DOCK9: variants seen among roughly 807,000 people sequenced by gnomAD.
The protein encoded by DOCK9 is dedicator of cytokinesis protein 9.
A neutral mutation model predicts 263.3 loss-of-function variants in DOCK9; 89 were observed. The ratio of observed to expected loss-of-function variants is 0.34; its 90% confidence interval spans 0.28 to 0.40. The LOEUF is 0.40. DOCK9 is among the 10% of genes least tolerant of loss of function. The pLI, the probability that DOCK9 is intolerant of heterozygous loss-of-function variation, is 1.00. For missense variants in DOCK9, 2,140 were observed against 2,603.4 expected, an observed-to-expected ratio of 0.82 and a Z score of 3.87; for synonymous variants, 976 against 973.1, an observed-to-expected ratio of 1.00 and a Z score of -0.06.
Position 98,886,397 on chromosome 13 carries a change from C to G in DOCK9, c.2136+135G>C, listed in dbSNP as rs958055866. The G allele has an allele frequency of 3.9e-5, 22 of 562,452 alleles. No homozygotes were observed. The Admixed American group carries it at 6.4e-4, about 16-fold the overall frequency. The allele number at this position is 562,452 out of a possible 1,614,324, so 34.8% of individuals were successfully genotyped here. A position where few individuals can be genotyped will look rare whatever the true frequency, so the allele number is the denominator to read the frequency against. Reference sequence around the variant, plus strand: ...ACAATCAGAATATATAAAAGAAATACTTCAACATGCAGTTCTAGCTCTGTA... The same window carrying G: ...ACAATCAGAATATATAAAAGAAATAGTTCAACATGCAGTTCTAGCTCTGTA... On this transcript the variant is annotated intron_variant, in intron 19 of 52. Transcript: ENST00000682017.
chr13:98,836,638 G>A (rs1017582819), intron 39 of DOCK9, among the ~76,000 whole-genome samples: 1 of 152,140 alleles, frequency 6.6e-6, no homozygotes, highest in Non-Finnish European at 1.5e-5. Context: ...TCTCTCAACT[G>A]GGCTCCTAGT....
intron 38 of DOCK9, among the ~76,000 whole-genome samples, chr13:98,840,165 A>G (rs1455713164): frequency 1.3e-5 from 2 of 152,258 alleles, no homozygotes; most frequent in Non-Finnish European, 2.9e-5. Context: ...CCAACACAGG[A>G]AAATGAAGCT....
At chr13:98,934,654 A>G (rs2054521595) in intron 2 of DOCK9, among the ~76,000 whole-genome samples, 1 of 100,870 alleles carries the variant, frequency 9.9e-6, no homozygotes, top group African/African-American at 3.2e-5. Flanking sequence ...GCTACACTAC[A>G]GAGTTAAGAC....
intron 34 of DOCK9, chr13:98,854,551 C>G (rs1032607704): frequency 5.9e-5 from 9 of 152,082 alleles, no homozygotes; most frequent in African/African-American, 2.2e-4. Context: ...ATCAGAGCCA[C>G]TGGAGAACTT....
At chr13:98,916,826 G>A (rs2050959806) in intron 7 of DOCK9, among the ~76,000 whole-genome samples, 1 of 152,126 alleles carries the variant, frequency 6.6e-6, no homozygotes, top group Non-Finnish European at 1.5e-5. Flanking sequence ...CTGAGCCTCA[G>A]TTTTCTCATC....
At chr13:98,817,774 TAAAA>T (rs34195275) in intron 45 of DOCK9, among the ~76,000 whole-genome samples, 50 of 115,364 alleles carry the variant, frequency 4.3e-4, no homozygotes, top group Admixed American at 3.3e-3. Flanking sequence ...TTATATTTGC[TAAAA>T]AAAAAAAAAA....
At position 98,929,796 on chromosome 13, in the gene DOCK9, T is replaced by A. The variant is rs73560671; in HGVS notation, c.333+372A>T. On this transcript the variant is annotated intron_variant, in intron 3 of 52. Transcript: ENST00000682017. ...AAATGAAATAAATGATACATAAATGTGTGTGTCACCCTTAAAAACAGTATC... is the reference window on the plus strand; with the variant it reads ...AAATGAAATAAATGATACATAAATGAGTGTGTCACCCTTAAAAACAGTATC... Among the ~76,000 whole-genome samples the A allele has an allele frequency of 7.6e-3, 1,163 of 152,236 alleles. 15 individuals are homozygous for A. Among genetic ancestry groups the A allele is most frequent in the African/African-American group, 0.027 (1,128 of 41,546 alleles).
chr13:98,977,870 T>G lies in DOCK9; in HGVS notation c.40A>C (p.Lys14Gln), dbSNP rs745421069. 3.1e-6 allele frequency: 5 copies of G among 1,602,556 alleles called. No individual in the cohort carries two copies. In the Admixed American group the frequency reaches 6.9e-5, roughly 22 times the overall value. Residue 14 changes from lysine to glutamine, a missense_variant, in exon 1 of 53, where the codon AAA becomes CAA. Transcript: ENST00000682017. The part of the protein sequence containing the change: ...DKCRTSSRSV[K>Q]KELVIESPLQ... Reference sequence around the variant, plus strand: ...GGGGACTCAATCACCAGTTCCTTTTTGACACTTCTACTACTTGTCCTGCAT... The same window carrying G: ...GGGGACTCAATCACCAGTTCCTTTTGGACACTTCTACTACTTGTCCTGCAT...
chr13:98,805,025 T>G lies in DOCK9; in HGVS notation c.5699A>C (p.Gln1900Pro). The G allele has an allele frequency of 6.2e-7, 1 of 1,609,298 alleles. No homozygotes were observed. Residue 1900 changes from glutamine (Q) to proline (P), a missense_variant, in exon 49 of 53, where the codon CAG (glutamine) becomes CCG (proline). Physicochemically the swap from Gln to Pro is moderately conservative, Grantham distance 76. This residue lies in a region of DOCK9 where 619 missense variants were observed against 861.8 expected (regional missense o/e 0.72). Transcript: ENST00000682017. The stretch of plus-strand genomic sequence containing the variant: ...TGTCAGGATGGTGCGCCGTTTGCAC[T>G]GCTCTTCCACCCCGCCCTGCCTCTT... Reference protein sequence around the residue: ...TGKRQGGVEEQCKRRTILTAI... With the variant: ...TGKRQGGVEEPCKRRTILTAI...
At chr13:99,013,627 C>A (rs367942841) in intron 1 of DOCK9, among the ~76,000 whole-genome samples, 1 of 152,106 alleles carries the variant, frequency 6.6e-6, no homozygotes, top group East Asian at 1.9e-4. Context: ...GCAAAGGCCA[C>A]GCAATGAATG....
intron 38 of DOCK9, among the ~76,000 whole-genome samples, chr13:98,844,707 G>A (rs1454998539): frequency 5.3e-5 from 8 of 152,124 alleles, no homozygotes; most frequent in Non-Finnish European, 7.4e-5. Context: ...AACTGCACCC[G>A]GACAATCTTC....
intron 1 of DOCK9, among the ~76,000 whole-genome samples, chr13:99,069,216 T>C (rs912193325): frequency 1.3e-5 from 2 of 152,218 alleles, no homozygotes; most frequent in Non-Finnish European, 2.9e-5. Context: ...TTCAATAACA[T>C]TGACTACTAA....
intron 32 of DOCK9, among the ~76,000 whole-genome samples, chr13:98,861,057 G>A (rs1271006177): frequency 6.6e-6 from 1 of 152,102 alleles, no homozygotes; most frequent in African/African-American, 2.4e-5. Context: ...GTTCATTTTT[G>A]TTAGGATTGA....
intron 2 of DOCK9, among the ~76,000 whole-genome samples, chr13:98,935,185 C>T (rs1347272876): frequency 6.6e-6 from 1 of 152,042 alleles, no homozygotes; most frequent in Non-Finnish European, 1.5e-5. Flanking sequence ...AAGTCATATT[C>T]AGTACAAAAT....
chr13:99,044,531 C>A (rs1295639680), intron 1 of DOCK9, among the ~76,000 whole-genome samples: 2 of 152,220 alleles, frequency 1.3e-5, no homozygotes, highest in African/African-American at 4.8e-5. Context: ...CAGAAAGGAA[C>A]ACCAGACTAT....
At chr13:98,934,293 CA>C (rs2140365094) in intron 2 of DOCK9, among the ~76,000 whole-genome samples, 1 of 152,228 alleles carries the variant, frequency 6.6e-6, no homozygotes, top group African/African-American at 2.4e-5. Context: ...TTGAGACCAC[CA>C]TGGTGACAGG....
At chr13:98,819,730 G>C (rs561359060) in intron 45 of DOCK9, among the ~76,000 whole-genome samples, 3 of 152,356 alleles carry the variant, frequency 2.0e-5, no homozygotes, top group African/African-American at 7.2e-5. Context: ...CAAGGGTAAA[G>C]TGGACATGAG....
chr13:98,831,275 G>T lies in DOCK9; in HGVS notation c.4635+73C>A, dbSNP rs148194024. ...TATGACAAGGTAAATTGGTTAATGT[G>T]ATACTCAAAGTTTTCCTGATACAGC... is the stretch of plus-strand genomic sequence containing the variant. On this transcript the variant is annotated intron_variant, in intron 41 of 52. Coordinates refer to ENST00000682017, the MANE Select transcript of DOCK9 (RefSeq NM_001366683.2). 1.3e-4 allele frequency: 193 copies of T among 1,453,706 alleles called. 2 individuals carry two copies. In the African/African-American group the frequency reaches 2.5e-3, roughly 19 times the overall value. The allele number at this position is 1,453,706 out of a possible 1,614,324, so 90.1% of individuals were successfully genotyped here. A position where few individuals can be genotyped will look rare whatever the true frequency, so the allele number is the denominator to read the frequency against.
intron 29 of DOCK9, 91 bp downstream of exon 29, chr13:98,867,837 C>T: frequency 8.1e-7 from 1 of 1,239,238 alleles, no homozygotes; most frequent in Non-Finnish European, 1.1e-6. Context: ...ATTAGTAAGG[C>T]AGAGCTTTAA....
Sources: gnomAD v4.1 joint callset for allele counts (sites outside exome capture counted in the v4.1 genomes callset) on GRCh38, gnomAD v4.1.1 for gene constraint, gnomAD v4.1.1 regional missense constraint, MANE v1.5 for transcripts, NCBI Gene and HGNC (gene_info 2026-07-23, HGNC 2026-07-21) for gene names.